Variants in SHTN1 observed in about 807,000 individuals in gnomAD.
The protein encoded by SHTN1 is shootin-1.
Under a neutral mutation model 83.1 loss-of-function variants are expected in SHTN1, and 42 were observed. That is an observed-to-expected ratio of 0.51 (90% CI 0.39 to 0.65). The LOEUF is 0.65. Among genes scored for constraint, SHTN1 ranks in the 30% least tolerant of loss-of-function variants. The probability of loss-of-function intolerance (pLI) is 0.00; values close to 1 mark genes in which losing one functional copy is unlikely to be tolerated. For missense variants in SHTN1, 622 were observed against 737.8 expected (o/e 0.84, Z 1.82); for synonymous variants, 224 against 247.7 (o/e 0.90, Z 0.90).
chr10:117,101,073 T>G (rs1395649708), intron 1 of SHTN1, among the ~76,000 whole-genome samples: 1 of 151,758 alleles, frequency 6.6e-6, no homozygotes, highest in Admixed American at 6.6e-5. Context: ...CAATTTATAC[T>G]TTAAGCTCAC....
intron 2 of SHTN1, among the ~76,000 whole-genome samples, chr10:117,031,556 T>G (rs375198978): frequency 1.4e-4 from 22 of 152,246 alleles, no homozygotes; most frequent in African/African-American, 5.1e-4. Flanking sequence ...TTTTAAGACA[T>G]AGTACAATAA....
intron 7 of SHTN1, among the ~76,000 whole-genome samples, chr10:116,946,639 A>AT (rs1491134367): frequency 2.8e-4 from 28 of 101,448 alleles, no homozygotes; most frequent in East Asian, 9.8e-4. Context: ...ATTTATATAT[A>AT]AATATATAAA....
chr10:117,023,416 A>G (rs553946359), intron 2 of SHTN1, among the ~76,000 whole-genome samples: 1 of 152,336 alleles, frequency 6.6e-6, no homozygotes, highest in African/African-American at 2.4e-5. Flanking sequence ...GGACATGCAT[A>G]CCAGACATAT....
At chr10:117,010,148 T>C (rs562224020), upstream of SHTN1, among the ~76,000 whole-genome samples, 2 of 150,590 alleles carry the variant, frequency 1.3e-5, no homozygotes, top group South Asian at 2.1e-4. Flanking sequence ...AGCTATTTCT[T>C]TGAAAGTATC....
At chr10:117,040,312 A>C (rs1363137282) in intron 2 of SHTN1, among the ~76,000 whole-genome samples, 1 of 152,202 alleles carries the variant, frequency 6.6e-6, no homozygotes, top group South Asian at 2.1e-4. Flanking sequence ...GGAATTATTT[A>C]AGGATAAGAA....
At chr10:116,911,931 C>T in intron 13 of SHTN1, 88 bp from the exon 14 acceptor site, 2 of 940,534 alleles carry the variant, frequency 2.1e-6, no homozygotes, top group Admixed American at 3.5e-5. Flanking sequence ...CTATTAGTAG[C>T]CTTATATTGG....
chr10:116,966,841 A>G (rs563605046), intron 3 of SHTN1, among the ~76,000 whole-genome samples: 180 of 152,356 alleles, frequency 1.2e-3, no homozygotes, highest in Non-Finnish European at 2.0e-3. Context: ...TGCCAATGGT[A>G]TAACTCTAAG....
At chr10:117,034,314 T>C (rs980737594) in intron 2 of SHTN1, among the ~76,000 whole-genome samples, 2 of 152,106 alleles carry the variant, frequency 1.3e-5, no homozygotes, top group Non-Finnish European at 2.9e-5. Flanking sequence ...TAATAGTTTT[T>C]TGGTAAATAA....
rs1021354714 is a variant in SHTN1 at position 116,885,803 on chromosome 10, T to G, written c.*541A>C. 2 of 154,272 alleles carry G rather than the reference T, an allele frequency of 1.3e-5. No homozygotes were observed. Among genetic ancestry groups the G allele is most frequent in the Non-Finnish European group, 2.9e-5 (2 of 69,534 alleles). 9.6% of individuals were successfully genotyped at this position (154,272 alleles called of 1,614,324 possible). A position where few individuals can be genotyped will look rare whatever the true frequency, so the allele number is the denominator to read the frequency against. Reference sequence around the variant, plus strand: ...ACTGACTATGGGACTACGAGTTTGATGCCAGCTCCTGAGTTTTCAGTTTAT... The same window carrying G: ...ACTGACTATGGGACTACGAGTTTGAGGCCAGCTCCTGAGTTTTCAGTTTAT... On this transcript the variant is annotated 3_prime_UTR_variant, in exon 17 of 17. Transcript: ENST00000355371.
intron 1 of SHTN1, among the ~76,000 whole-genome samples, chr10:116,988,179 G>C (rs969789100): frequency 6.6e-6 from 1 of 152,064 alleles, no homozygotes; most frequent in East Asian, 1.9e-4. Flanking sequence ...ATTAAAGCAA[G>C]ATGTTAATAA....
intron 2 of SHTN1, among the ~76,000 whole-genome samples, chr10:117,048,151 G>A (rs756693771): frequency 2.2e-4 from 34 of 152,070 alleles, no homozygotes; most frequent in Non-Finnish European, 2.8e-4. Context: ...ATAAATAAGA[G>A]CATGGCAGTA....
At chr10:116,899,506 G>GGC (rs1554906586) in intron 16 of SHTN1, among the ~76,000 whole-genome samples, 2 of 124,500 alleles carry the variant, frequency 1.6e-5, no homozygotes, top group Non-Finnish European at 3.4e-5. Flanking sequence ...GGCTGGGGCT[G>GGC]GTGTGTGTGT....
At chr10:117,112,486 A>G (rs189848715) in intron 1 of SHTN1, among the ~76,000 whole-genome samples, 4 of 152,354 alleles carry the variant, frequency 2.6e-5, no homozygotes, top group African/African-American at 7.2e-5. Flanking sequence ...AAGACCTTAC[A>G]ACGCTTTAAA....
intron 1 of SHTN1, among the ~76,000 whole-genome samples, chr10:116,990,990 T>C (rs1229729458): frequency 6.6e-6 from 1 of 152,032 alleles, no homozygotes; most frequent in African/African-American, 2.4e-5. Flanking sequence ...ATCGAGACCA[T>C]CCTGACTAAC....
chr10:116,940,602 T>C lies in SHTN1; in HGVS notation c.722A>G (p.Glu241Gly). Residue 241 changes from glutamate to glycine, a missense_variant, in exon 9 of 17, where the codon GAG becomes GGG. By Grantham distance (98) the Glu-to-Gly change is moderately conservative. Coordinates refer to ENST00000355371, the MANE Select transcript of SHTN1 (RefSeq NM_001127211.3). ...GCTTTGTCTCTTTAGCTTGTTTTGC[T>C]CAATGAACATCTGCAAAAGTTTGTT... Reference protein sequence around the residue: ...AESFAQEMFIEQNKLKRQSHL... With the variant: ...AESFAQEMFIGQNKLKRQSHL... 1.2e-6 allele frequency: 2 copies of C among 1,603,838 alleles called. No individual in the cohort carries two copies. The highest frequency in any genetic ancestry group is 1.1e-5 in the South Asian group (1 of 89,598).
At chr10:117,087,338 G>A (rs762572414) in intron 1 of SHTN1, among the ~76,000 whole-genome samples, 2 of 152,132 alleles carry the variant, frequency 1.3e-5, no homozygotes, top group African/African-American at 2.4e-5. Flanking sequence ...TAACCCTACC[G>A]GGTACAAAGA....
chr10:117,106,555 G>A (rs1853673744), intron 1 of SHTN1, among the ~76,000 whole-genome samples: 1 of 152,190 alleles, frequency 6.6e-6, no homozygotes, highest in Non-Finnish European at 1.5e-5. Context: ...ACTCCAACTT[G>A]TGTGCAGTCT....
At chr10:116,957,482 G>A (rs1026484032) in intron 4 of SHTN1, among the ~76,000 whole-genome samples, 1 of 151,618 alleles carries the variant, frequency 6.6e-6, no homozygotes, top group Admixed American at 6.6e-5. Flanking sequence ...TCAATCTCCT[G>A]ACCTCAGGTG....
intron 1 of SHTN1, among the ~76,000 whole-genome samples, chr10:117,118,433 C>T (rs1015055201): frequency 6.7e-6 from 1 of 148,934 alleles, no homozygotes; most frequent in African/African-American, 2.5e-5. Flanking sequence ...AAGGGGAACT[C>T]TCATACACAG....
Sources: gnomAD v4.1 joint callset for allele counts (sites outside exome capture counted in the v4.1 genomes callset) on GRCh38, gnomAD v4.1.1 for gene constraint, MANE v1.5 for transcripts, NCBI Gene and HGNC (gene_info 2026-07-23, HGNC 2026-07-21) for gene names.